SLC25A26: variants seen among roughly 807,000 people sequenced by gnomAD.
The protein encoded by SLC25A26 is solute carrier family 25 member 26, also known as mitochondrial S-adenosylmethionine carrier protein.
In SLC25A26, 36 loss-of-function variants were observed where a neutral mutation model predicts 37.8. The ratio of observed to expected loss-of-function variants is 0.95; its 90% CI spans 0.73 to 1.26. SLC25A26 has a LOEUF of 1.26. SLC25A26 is among the 50% of genes most tolerant of loss of function. The pLI is 0.00. For missense variants in SLC25A26, 390 were observed against 331.1 expected (o/e 1.18, Z -1.38); for synonymous variants, 129 against 122.5 (o/e 1.05, Z -0.35).
intron 1 of SLC25A26, among the ~76,000 whole-genome samples, chr3:66,148,313 C>A (rs940095265): frequency 2.6e-5 from 4 of 152,058 alleles, no homozygotes; most frequent in Admixed American, 1.3e-4. Flanking sequence ...GGTTAAGGAA[C>A]CACCAGGGCA....
At chr3:66,300,090 G>A (rs2075027909) in intron 5 of SLC25A26, among the ~76,000 whole-genome samples, 1 of 152,116 alleles carries the variant, frequency 6.6e-6, no homozygotes, top group Admixed American at 6.5e-5. Context: ...TGCTGTGTCA[G>A]CCCTTTTCAT....
At position 66,350,709 on chromosome 3, in the gene SLC25A26, TGTGTGA is replaced by T. The variant is rs201012458; in HGVS notation, c.498+4303_498+4308del. Among the ~76,000 whole-genome samples the T allele has an allele frequency of 4.2e-3, 559 of 132,884 alleles. 7 individuals are homozygous for T. Among genetic ancestry groups the T allele is most frequent in the East Asian group, 0.031 (85 of 2,736 alleles). 87.2% of individuals were successfully genotyped at this position (132,884 alleles called of 152,430 possible). ...CCTATACTCTGTGTGTGTGTGTGTG[TGTGTGA>T]GCGCGCGCGTGCGCGCACACCCACA... On this transcript the variant is annotated intron_variant, in intron 6 of 9. Transcript: ENST00000354883.
chr3:66,138,045 G>A (rs2069974139), intron 1 of SLC25A26, among the ~76,000 whole-genome samples: 1 of 151,836 alleles, frequency 6.6e-6, no homozygotes, highest in South Asian at 2.1e-4. Flanking sequence ...TGTTGGCCAG[G>A]TTGGTCTCGA....
At chr3:66,371,862 T>C (rs1309671813) in intron 9 of SLC25A26, among the ~76,000 whole-genome samples, 8 of 152,110 alleles carry the variant, frequency 5.3e-5, no homozygotes, top group Non-Finnish European at 1.2e-4. Flanking sequence ...TTTGGGAGGC[T>C]GAAGCAGGAG....
At chr3:66,267,039 T>A (rs972362872) in intron 5 of SLC25A26, among the ~76,000 whole-genome samples, 2 of 152,156 alleles carry the variant, frequency 1.3e-5, no homozygotes, top group Admixed American at 6.5e-5. Flanking sequence ...GCCTACTGGG[T>A]CTTGGGGCAC....
At position 66,317,862 on chromosome 3, in the gene SLC25A26, G is replaced by T. The variant is rs183446172; in HGVS notation, c.454-28502G>T. Among the ~76,000 whole-genome samples the T allele has an allele frequency of 1.4e-3, 219 of 152,314 alleles. 1 individual carries two copies. The highest frequency in any genetic ancestry group is 3.4e-3 in the Middle Eastern group (1 of 294). ...ACCCAGTGAGGAGGAGTGGATCGGG[G>T]TCCTGCTTAAAGAATCAGTCTGGCC... is the stretch of plus-strand genomic sequence containing the variant. On this transcript the variant is annotated intron_variant, in intron 5 of 9. Coordinates refer to ENST00000354883, the MANE Select transcript of SLC25A26 (RefSeq NM_001379210.1).
At chr3:66,358,071 G>GTAC (rs1269399378) in intron 6 of SLC25A26, among the ~76,000 whole-genome samples, 8 of 152,170 alleles carry the variant, frequency 5.3e-5, no homozygotes, top group African/African-American at 1.9e-4. Context: ...ATTGTTACCT[G>GTAC]TACTATATCC....
At chr3:66,194,942 T>C (rs2071019100) in intron 1 of SLC25A26, among the ~76,000 whole-genome samples, 1 of 152,154 alleles carries the variant, frequency 6.6e-6, no homozygotes, top group African/African-American at 2.4e-5. Context: ...CCCTGTGGTC[T>C]ACCTGGGGTC....
chr3:66,210,644 T>C (rs878902583), intron 1 of SLC25A26, among the ~76,000 whole-genome samples: 15,497 of 151,908 alleles, frequency 0.1, 1,658 homozygotes, highest in African/African-American at 0.25. Context: ...TCTCGAGTAG[T>C]TGGGGCTATA....
chr3:66,361,996 A>G (rs1027450010), intron 6 of SLC25A26, among the ~76,000 whole-genome samples: 1 of 152,178 alleles, frequency 6.6e-6, no homozygotes, highest in Non-Finnish European at 1.5e-5. Flanking sequence ...AAAGAAAGAA[A>G]GAAATACTGC....
chr3:66,308,965 A>G (rs1026038372), intron 5 of SLC25A26, among the ~76,000 whole-genome samples: 4 of 152,126 alleles, frequency 2.6e-5, no homozygotes, highest in Non-Finnish European at 4.4e-5. Flanking sequence ...TTTCGCGTCC[A>G]TGTTTATCAG....
At chr3:66,371,730 G>A (rs1206102902) in intron 9 of SLC25A26, among the ~76,000 whole-genome samples, 2 of 152,140 alleles carry the variant, frequency 1.3e-5, no homozygotes, top group Admixed American at 6.5e-5. Flanking sequence ...TAATTCTGCT[G>A]CCAGTTCCAC....
chr3:66,316,837 C>T (rs1020894952), intron 5 of SLC25A26, among the ~76,000 whole-genome samples: 3 of 152,104 alleles, frequency 2.0e-5, no homozygotes, highest in African/African-American at 7.2e-5. Flanking sequence ...TCTTGTCTGC[C>T]TATTTCAGCA....
rs549559774 is a variant in SLC25A26 at position 66,253,563 on chromosome 3, T to A, written c.301-8488T>A. On this transcript the variant is annotated intron_variant, in intron 3 of 9. Coordinates refer to ENST00000354883, the MANE Select transcript of SLC25A26 (RefSeq NM_001379210.1). ...GAGCGAGGGGCCACAAACCAAGGAG[T>A]GCAGGGGAGCCCTAGAAAGCAGGAA... 2.0e-5 allele frequency among the ~76,000 whole-genome samples: 3 copies of A among 151,766 alleles called. No individual in the cohort carries two copies. In the South Asian group the frequency reaches 6.2e-4, roughly 32 times the overall value.
intron 1 of SLC25A26, among the ~76,000 whole-genome samples, chr3:66,188,636 T>G (rs1047002810): frequency 6.6e-6 from 1 of 152,168 alleles, no homozygotes; most frequent in African/African-American, 2.4e-5. Context: ...TAGTGCCATG[T>G]TTTTTGTATA....
chr3:66,194,706 A>G (rs1356091430), intron 1 of SLC25A26, among the ~76,000 whole-genome samples: 1 of 152,110 alleles, frequency 6.6e-6, no homozygotes, highest in Non-Finnish European at 1.5e-5. Flanking sequence ...CGTTCAAGTG[A>G]TTCTCCTGAG....
intron 1 of SLC25A26, among the ~76,000 whole-genome samples, chr3:66,189,658 C>A (rs1193324701): frequency 6.6e-6 from 1 of 152,100 alleles, no homozygotes; most frequent in Non-Finnish European, 1.5e-5. Flanking sequence ...TGTGTGCTTT[C>A]TTTTCTTTTC....
chr3:66,289,012 T>A (rs1244190114), intron 5 of SLC25A26, among the ~76,000 whole-genome samples: 1 of 152,188 alleles, frequency 6.6e-6, no homozygotes, highest in Non-Finnish European at 1.5e-5. Context: ...TTTTAATGAT[T>A]GTCATTCTAT....
intron 6 of SLC25A26, among the ~76,000 whole-genome samples, chr3:66,360,486 G>A (rs866261203): frequency 1.3e-5 from 2 of 152,002 alleles, no homozygotes; most frequent in Non-Finnish European, 2.9e-5. Context: ...CATCTATGTC[G>A]AAAATTTGAT....
Sources: allele counts gnomAD v4.1 joint callset (sites outside exome capture counted in the v4.1 genomes callset), GRCh38; gene constraint gnomAD v4.1.1; transcripts MANE v1.5; gene names NCBI Gene and HGNC (gene_info 2026-07-23, HGNC 2026-07-21).